PELI2: variants seen among roughly 807,000 people sequenced by gnomAD.
PELI2 encodes the protein E3 ubiquitin-protein ligase pellino homolog 2.
In PELI2, 23 loss-of-function variants were observed where a neutral mutation model predicts 42.3. The ratio of observed to expected loss-of-function variants is 0.54; its 90% CI spans 0.39 to 0.77. The LOEUF is 0.77. PELI2 is among the 30% of genes least tolerant of loss of function. PELI2 has a pLI of 0.00. For missense variants in PELI2, 463 were observed against 553.2 expected (o/e 0.84, Z 1.64); for synonymous variants, 245 against 212.2 (o/e 1.15, Z -1.34).
intron 1 of PELI2, among the ~76,000 whole-genome samples, chr14:56,143,712 A>G (rs937376006): frequency 4.6e-5 from 7 of 152,172 alleles, no homozygotes; most frequent in African/African-American, 1.7e-4. Context: ...TTTTGCTCAG[A>G]CTGTTTCAGC....
At chr14:56,290,219 T>G in intron 4 of PELI2, 49 bp from the exon 5 acceptor site, 1 of 1,393,592 alleles carries the variant, frequency 7.2e-7, no homozygotes, top group Non-Finnish European at 9.6e-7. Context: ...TCCTTTCCAT[T>G]TCAACATCAT....
intron 2 of PELI2, among the ~76,000 whole-genome samples, chr14:56,220,131 T>C (rs1444985221): frequency 1.3e-5 from 2 of 152,180 alleles, no homozygotes; most frequent in Non-Finnish European, 2.9e-5. Flanking sequence ...TTTATAAAGC[T>C]CTGGACAAGA....
chr14:56,264,398 T>C (rs1301382700), intron 2 of PELI2, among the ~76,000 whole-genome samples: 1 of 152,138 alleles, frequency 6.6e-6, no homozygotes, highest in Non-Finnish European at 1.5e-5. Flanking sequence ...AGTTCAGTGT[T>C]AATGAATTAA....
At chr14:56,134,466 T>C (rs1424169377) in intron 1 of PELI2, among the ~76,000 whole-genome samples, 1 of 152,240 alleles carries the variant, frequency 6.6e-6, no homozygotes, top group East Asian at 1.9e-4. Flanking sequence ...TATGCTTGTA[T>C]TTATGTTTTC....
intron 2 of PELI2, among the ~76,000 whole-genome samples, chr14:56,207,440 A>G (rs2139720662): frequency 6.6e-6 from 1 of 152,352 alleles, no homozygotes; most frequent in African/African-American, 2.4e-5. Flanking sequence ...CAAGGGATTT[A>G]TAATTTAATA....
chr14:56,280,385 G>C (rs1216961814), intron 3 of PELI2, among the ~76,000 whole-genome samples: 1 of 151,134 alleles, frequency 6.6e-6, no homozygotes, highest in Non-Finnish European at 1.5e-5. Flanking sequence ...AAGAGCAGAA[G>C]GAAGGAAAAA....
intron 2 of PELI2, among the ~76,000 whole-genome samples, chr14:56,191,777 A>G (rs1181834401): frequency 6.6e-6 from 1 of 152,236 alleles, no homozygotes; most frequent in East Asian, 1.9e-4. Flanking sequence ...ATAATACAAA[A>G]TCATTTTTAG....
At chr14:56,235,003 C>G (rs1372709109) in intron 2 of PELI2, among the ~76,000 whole-genome samples, 1 of 152,170 alleles carries the variant, frequency 6.6e-6, no homozygotes, top group Admixed American at 6.5e-5. Context: ...CCTACTACTT[C>G]ACTTTCTTTT....
At chr14:56,202,218 G>C (rs1445289888) in intron 2 of PELI2, among the ~76,000 whole-genome samples, 1 of 152,172 alleles carries the variant, frequency 6.6e-6, no homozygotes, top group African/African-American at 2.4e-5. Flanking sequence ...CAGTGGGGTT[G>C]ATTGTACCAT....
intron 1 of PELI2, among the ~76,000 whole-genome samples, chr14:56,141,879 A>G (rs1392234867): frequency 6.6e-6 from 1 of 152,202 alleles, no homozygotes; most frequent in African/African-American, 2.4e-5. Flanking sequence ...TTGAATTATA[A>G]ACATTTCATG....
At chr14:56,156,544 CTG>C (rs1884572715) in intron 1 of PELI2, among the ~76,000 whole-genome samples, 1 of 152,138 alleles carries the variant, frequency 6.6e-6, no homozygotes, top group African/African-American at 2.4e-5. Flanking sequence ...TGCTGATTGG[CTG>C]TGTGACCTTG....
At chr14:56,295,668 A>G (rs1679148133) in intron 5 of PELI2, among the ~76,000 whole-genome samples, 1 of 152,350 alleles carries the variant, frequency 6.6e-6, no homozygotes, top group Non-Finnish European at 1.5e-5. Context: ...CACCTTTTCT[A>G]AAGTTTAAAC....
At chr14:56,192,173 T>A (rs1245925693) in intron 2 of PELI2, among the ~76,000 whole-genome samples, 1 of 152,210 alleles carries the variant, frequency 6.6e-6, no homozygotes, top group African/African-American at 2.4e-5. Flanking sequence ...TATTTTTGAT[T>A]AATGAGAAGT....
chr14:56,118,634 G>T lies in PELI2; in HGVS notation c.-27G>T, dbSNP rs1566589893. On this transcript the variant is annotated 5_prime_UTR_variant, in exon 1 of 6. Transcript: ENST00000267460. ...CGCGGCGGAGGCGGCGGCGTCGGCG[G>T]CGGCGTCGGCGGCCGAGCGGGGCTC... 5 of 1,352,126 alleles carry T rather than the reference G, an allele frequency of 3.7e-6. No homozygotes were observed. In the South Asian group the frequency reaches 5.1e-5, roughly 14 times the overall value. 83.8% of individuals were successfully genotyped at this position (1,352,126 alleles called of 1,614,324 possible). A position where few individuals can be genotyped will look rare whatever the true frequency, so the allele number is the denominator to read the frequency against.
chr14:56,226,438 T>C (rs898463597), intron 2 of PELI2, among the ~76,000 whole-genome samples: 2 of 152,216 alleles, frequency 1.3e-5, no homozygotes, highest in African/African-American at 2.4e-5. Flanking sequence ...TTTGTCCTTT[T>C]CTGGTAACAA....
intron 3 of PELI2, among the ~76,000 whole-genome samples, chr14:56,282,312 A>G (rs1170961268): frequency 1.3e-5 from 2 of 152,164 alleles, no homozygotes; most frequent in Non-Finnish European, 2.9e-5. Context: ...TATTGAGTAT[A>G]TGGAGTCATA....
At chr14:56,173,480 A>T (rs1030421042) in intron 1 of PELI2, among the ~76,000 whole-genome samples, 1 of 151,846 alleles carries the variant, frequency 6.6e-6, no homozygotes, top group Admixed American at 6.6e-5. Flanking sequence ...GTTCATCTCC[A>T]CCATCGCTGC....
At chr14:56,294,045 G>A (rs1475481083) in intron 5 of PELI2, among the ~76,000 whole-genome samples, 2 of 152,200 alleles carry the variant, frequency 1.3e-5, no homozygotes, top group African/African-American at 2.4e-5. Flanking sequence ...TGCTCGGTAT[G>A]GTGGTGGGGC....
chr14:56,210,808 G>A (rs573615636), intron 2 of PELI2, among the ~76,000 whole-genome samples: 1 of 152,248 alleles, frequency 6.6e-6, no homozygotes, highest in African/African-American at 2.4e-5. Flanking sequence ...CCCTGTGGTC[G>A]GTAAGTTGAG....
Sources: allele counts gnomAD v4.1 joint callset (sites outside exome capture counted in the v4.1 genomes callset), GRCh38; gene constraint gnomAD v4.1.1; transcripts MANE v1.5; gene names NCBI Gene and HGNC (gene_info 2026-07-23, HGNC 2026-07-21).